GCH1: variants seen among roughly 807,000 people sequenced by gnomAD.
GCH1 encodes the protein GTP cyclohydrolase I.
A neutral mutation model predicts 25.9 loss-of-function variants in GCH1; 5 were observed. The observed-to-expected ratio is 0.19, with a 90% confidence interval of 0.10 to 0.41. The LOEUF is 0.41. GCH1 is among the 10% of genes least tolerant of loss of function. The pLI, the probability that GCH1 is intolerant of heterozygous loss-of-function variation, is 1.00. For synonymous variants in GCH1, 159 were observed against 129.6 expected, an observed-to-expected ratio of 1.23 and a Z score of -1.54; for missense variants, 261 against 336.5, an observed-to-expected ratio of 0.78 and a Z score of 1.75.
At position 54,867,513 on chromosome 14, in the gene GCH1, G is replaced by A. The variant is rs142379110; in HGVS notation, c.344-2077C>T. On this transcript the variant is annotated intron_variant, in intron 1 of 5. Coordinates refer to ENST00000491895, the MANE Select transcript of GCH1 (RefSeq NM_000161.3). ...TGAGACAGGAGAATTGCTTGAACCC[G>A]GGATGTGGAGGCTGCAGTGAGCCGA... Among the ~76,000 whole-genome samples, 916 of 150,378 alleles carry A rather than the reference G, an allele frequency of 6.1e-3. 9 individuals carry two copies. Among genetic ancestry groups the A allele is most frequent in the African/African-American group, 0.021 (840 of 40,666 alleles).
At chr14:54,849,142 T>C (rs1258316029) in intron 3 of GCH1, among the ~76,000 whole-genome samples, 1 of 152,250 alleles carries the variant, frequency 6.6e-6, no homozygotes, top group African/African-American at 2.4e-5. Flanking sequence ...GGCAGACAGC[T>C]GCTCTCATGG....
intron 3 of GCH1, among the ~76,000 whole-genome samples, chr14:54,850,627 A>G (rs140708830): frequency 7.6e-4 from 115 of 152,100 alleles, no homozygotes; most frequent in Middle Eastern, 3.4e-3. Context: ...TCCTAATGCT[A>G]TCCCTCCCTG....
chr14:54,899,501 C>T (rs779462447), intron 1 of GCH1, among the ~76,000 whole-genome samples: 30 of 151,932 alleles, frequency 2.0e-4, no homozygotes, highest in Non-Finnish European at 3.7e-4. Context: ...TTAAATGGTC[C>T]GCTCCATGGA....
At chr14:54,851,058 A>G (rs942810891) in intron 3 of GCH1, among the ~76,000 whole-genome samples, 1 of 152,238 alleles carries the variant, frequency 6.6e-6, no homozygotes, top group Non-Finnish European at 1.5e-5. Flanking sequence ...GGAACAGAAC[A>G]GAGCCCTCAG....
intron 1 of GCH1, 128 bp downstream of exon 1, chr14:54,902,193 A>G (rs1321451609): frequency 2.0e-6 from 2 of 1,018,206 alleles, no homozygotes; most frequent in African/African-American, 3.2e-5. Flanking sequence ...GCGGGTTCGG[A>G]GGTGACAGCG....
intron 1 of GCH1, among the ~76,000 whole-genome samples, chr14:54,866,533 T>G (rs2039992016): frequency 6.6e-6 from 1 of 151,358 alleles, no homozygotes; most frequent in Non-Finnish European, 1.5e-5. Flanking sequence ...GCTGAGTAAT[T>G]TCAAGGATTT....
chr14:54,893,195 C>T (rs1735051403), intron 1 of GCH1, among the ~76,000 whole-genome samples: 1 of 152,130 alleles, frequency 6.6e-6, no homozygotes, highest in Non-Finnish European at 1.5e-5. Flanking sequence ...TTTGCATAAC[C>T]CAACACAAAT....
intron 1 of GCH1, among the ~76,000 whole-genome samples, chr14:54,894,537 A>G (rs952244377): frequency 6.6e-6 from 1 of 152,208 alleles, no homozygotes; most frequent in Non-Finnish European, 1.5e-5. Context: ...AGCCCTGGGA[A>G]TCTAGTACGA....
chr14:54,851,996 G>A (rs1305530600), intron 3 of GCH1, among the ~76,000 whole-genome samples: 3 of 152,146 alleles, frequency 2.0e-5, no homozygotes, highest in African/African-American at 7.2e-5. Flanking sequence ...CACCATGTTG[G>A]CCAGGCTGGT....
intron 1 of GCH1, among the ~76,000 whole-genome samples, chr14:54,891,491 C>T (rs1208219158): frequency 1.3e-5 from 2 of 150,238 alleles, no homozygotes; most frequent in African/African-American, 4.9e-5. Context: ...TTCACTGCAA[C>T]CTCCGCCTCC....
intron 1 of GCH1, among the ~76,000 whole-genome samples, chr14:54,872,767 G>A (rs2040099811): frequency 6.6e-6 from 1 of 152,164 alleles, no homozygotes; most frequent in Admixed American, 6.5e-5. Flanking sequence ...TTACATAATG[G>A]TAAAGGGATC....
At chr14:54,901,804 G>C (rs996066675) in intron 1 of GCH1, among the ~76,000 whole-genome samples, 1 of 152,032 alleles carries the variant, frequency 6.6e-6, no homozygotes, top group Non-Finnish European at 1.5e-5. Flanking sequence ...CCGATCCCCT[G>C]GCAAATCAGT....
chr14:54,888,975 C>T (rs987905183), intron 1 of GCH1, among the ~76,000 whole-genome samples: 6 of 152,116 alleles, frequency 3.9e-5, no homozygotes, highest in Non-Finnish European at 8.8e-5. Context: ...AAGCTGTTTA[C>T]TGTGGTGGAG....
intron 3 of GCH1, among the ~76,000 whole-genome samples, chr14:54,850,510 T>C (rs972545529): frequency 7.2e-5 from 11 of 152,022 alleles, no homozygotes; most frequent in Non-Finnish European, 5.9e-5. Flanking sequence ...TTATTATACT[T>C]TAAGTTCTAG....
chr14:54,874,068 T>C (rs1437891913), intron 1 of GCH1, among the ~76,000 whole-genome samples: 1 of 152,160 alleles, frequency 6.6e-6, no homozygotes, highest in Non-Finnish European at 1.5e-5. Context: ...CCAATATCCC[T>C]GATGAACATC....
intron 1 of GCH1, among the ~76,000 whole-genome samples, chr14:54,884,675 C>G (rs1383249021): frequency 6.8e-6 from 1 of 147,384 alleles, no homozygotes; most frequent in African/African-American, 2.5e-5. Context: ...GAGGCTGAGG[C>G]AGGAGAATCG....
Position 54,902,305 on chromosome 14 carries a change from C to A in GCH1, c.343+16G>T, listed in dbSNP as rs758205935. The stretch of plus-strand genomic sequence containing the variant: ...CCCGCCGCCCGCACGCTCTAGCAGC[C>A]CGCGGGCGCACTGACCTGAGATGGT... On this transcript the variant is annotated intron_variant, in intron 1 of 5. Coordinates refer to ENST00000491895, the MANE Select transcript of GCH1 (RefSeq NM_000161.3). 6.2e-7 allele frequency: 1 copy of A among 1,610,832 alleles called. No homozygotes were observed. The highest frequency in any genetic ancestry group is 1.3e-5 in the African/African-American group (1 of 75,020).
intron 1 of GCH1, among the ~76,000 whole-genome samples, chr14:54,895,118 G>A (rs8017210): frequency 0.24 from 36,868 of 152,128 alleles, 4,883 homozygotes; most frequent in African/African-American, 0.35. Flanking sequence ...CTACATTTCA[G>A]TATGAAGTGT....
chr14:54,879,223 C>T (rs1361013270), intron 1 of GCH1, among the ~76,000 whole-genome samples: 3 of 151,938 alleles, frequency 2.0e-5, no homozygotes, highest in African/African-American at 7.3e-5. Context: ...GAGTTCAAAA[C>T]CAGCCTGGCC....
Sources: gnomAD v4.1 joint callset for allele counts (sites outside exome capture counted in the v4.1 genomes callset) on GRCh38, gnomAD v4.1.1 for gene constraint, MANE v1.5 for transcripts, NCBI Gene and HGNC (gene_info 2026-07-23, HGNC 2026-07-21) for gene names.